Variants in DIAPH3 observed in about 807,000 individuals in gnomAD.
DIAPH3 encodes protein diaphanous homolog 3.
DIAPH3 carries 117 observed loss-of-function variants against 144.3 expected under a neutral mutation model. The ratio of observed to expected loss-of-function variants is 0.81; its 90% CI spans 0.70 to 0.95. The LOEUF (loss-of-function observed/expected upper bound fraction) is 0.95, where lower values mean the gene tolerates loss of function less well. Ranked by LOEUF, DIAPH3 falls within the 40% of genes least tolerant of loss-of-function variation. The pLI, the probability that DIAPH3 is intolerant of heterozygous loss-of-function variation, is 0.00. For missense variants in DIAPH3, 1,421 were observed against 1,412.7 expected, an observed-to-expected ratio of 1.01 and a Z score of -0.09; for synonymous variants, 519 against 488.9, an observed-to-expected ratio of 1.06 and a Z score of -0.81.
At chr13:59,769,491 A>G (rs1473656777) in intron 27 of DIAPH3, among the ~76,000 whole-genome samples, 2 of 151,906 alleles carry the variant, frequency 1.3e-5, no homozygotes, top group African/African-American at 4.8e-5. Flanking sequence ...TTGCTTATGA[A>G]TTATTAGCAA....
At chr13:59,889,563 C>T (rs777922744) in intron 20 of DIAPH3, among the ~76,000 whole-genome samples, 7 of 151,720 alleles carry the variant, frequency 4.6e-5, no homozygotes, top group Non-Finnish European at 8.8e-5. Context: ...TTGTAGTATC[C>T]TTATTTTGTC....
At chr13:59,904,980 C>A (rs989200032) in intron 20 of DIAPH3, among the ~76,000 whole-genome samples, 2 of 151,702 alleles carry the variant, frequency 1.3e-5, no homozygotes, top group African/African-American at 4.8e-5. Flanking sequence ...ATAAAAGTCA[C>A]CAACTAAAAA....
chr13:60,061,860 C>CG (rs936766612), intron 4 of DIAPH3, among the ~76,000 whole-genome samples: 6 of 151,968 alleles, frequency 3.9e-5, no homozygotes, highest in Non-Finnish European at 7.4e-5. Flanking sequence ...GCCTTAACTC[C>CG]GGGGGGTGAG....
At chr13:59,802,434 C>T (rs1320597161) in intron 25 of DIAPH3, among the ~76,000 whole-genome samples, 2 of 151,072 alleles carry the variant, frequency 1.3e-5, no homozygotes, top group South Asian at 2.1e-4. Context: ...AATTAATTTA[C>T]TTATCAATTA....
intron 3 of DIAPH3, among the ~76,000 whole-genome samples, chr13:60,098,020 T>G (rs2058158315): frequency 1.3e-5 from 2 of 152,132 alleles, no homozygotes; most frequent in South Asian, 4.1e-4. Flanking sequence ...ATGTTGCAAT[T>G]CCAGAAGGGT....
chr13:59,674,528 C>T (rs866502090), intron 27 of DIAPH3, among the ~76,000 whole-genome samples: 1 of 152,146 alleles, frequency 6.6e-6, no homozygotes, highest in Non-Finnish European at 1.5e-5. Context: ...ATAACCTCAA[C>T]GTGGCCATTT....
intron 3 of DIAPH3, among the ~76,000 whole-genome samples, chr13:60,110,960 T>C (rs1342054845): frequency 1.3e-5 from 2 of 152,310 alleles, no homozygotes; most frequent in East Asian, 3.9e-4. Flanking sequence ...CTTGTGGAAA[T>C]AAAATGTGGC....
intron 3 of DIAPH3, among the ~76,000 whole-genome samples, chr13:60,109,823 T>G (rs2058518038): frequency 6.6e-6 from 1 of 152,194 alleles, no homozygotes; most frequent in Non-Finnish European, 1.5e-5. Flanking sequence ...TCACTGAAAT[T>G]GACTTCAGAA....
At chr13:60,072,415 T>C (rs2670475) in intron 4 of DIAPH3, among the ~76,000 whole-genome samples, 84,281 of 152,018 alleles carry the variant, frequency 0.55, 23,903 homozygotes, top group Admixed American at 0.61. Flanking sequence ...CTTTCATACA[T>C]GCCTTTACAC....
intron 22 of DIAPH3, among the ~76,000 whole-genome samples, chr13:59,852,820 A>G (rs1353790453): frequency 4.6e-5 from 7 of 152,328 alleles, no homozygotes; most frequent in African/African-American, 1.7e-4. Flanking sequence ...CTGACAATAC[A>G]TATTAAAATT....
intron 27 of DIAPH3, among the ~76,000 whole-genome samples, chr13:59,697,491 A>AG (rs778777881): frequency 1.4e-4 from 11 of 78,036 alleles, no homozygotes; most frequent in Non-Finnish European, 2.0e-4. Context: ...AAAAAAAAAA[A>AG]AAGAAGAGGG....
chr13:60,108,007 G>A (rs1394860527), intron 3 of DIAPH3, among the ~76,000 whole-genome samples: 1 of 151,972 alleles, frequency 6.6e-6, no homozygotes, highest in Non-Finnish European at 1.5e-5. Flanking sequence ...TGTGTTATTG[G>A]GCTGACTAGC....
chr13:59,983,731 G>C (rs373427000), intron 13 of DIAPH3, 38 bp downstream of exon 13: 19 of 1,360,622 alleles, frequency 1.4e-5, no homozygotes, highest in Non-Finnish European at 1.6e-5. Context: ...TAGAATAAGA[G>C]ACAATAAGAT....
intron 3 of DIAPH3, among the ~76,000 whole-genome samples, chr13:60,097,550 G>C (rs2058141900): frequency 6.6e-6 from 1 of 152,154 alleles, no homozygotes; most frequent in Admixed American, 6.5e-5. Flanking sequence ...TTGCAGAACT[G>C]ACAGCCAAAT....
Position 59,839,436 on chromosome 13 carries a change from G to T in DIAPH3, c.2750C>A (p.Thr917Lys). 2 of 1,612,982 alleles carry T rather than the reference G, an allele frequency of 1.2e-6. No individual in the cohort carries two copies. The highest frequency in any genetic ancestry group is 1.7e-6 in the Non-Finnish European group (2 of 1,179,566). ...LDKASKVSVETLEKNLRQMGR... is the reference protein window; with the variant it reads ...LDKASKVSVEKLEKNLRQMGR... Reference sequence around the variant, plus strand: ...CATCTGCCTCAAATTCTTTTCCAGCGTTTCTACAGAGACTAAAAGAGAGTA... The same window carrying T: ...CATCTGCCTCAAATTCTTTTCCAGCTTTTCTACAGAGACTAAAAGAGAGTA... Residue 917 changes from threonine (T) to lysine (K), a missense_variant, in exon 23 of 28, where the codon ACG becomes AAG. Physicochemically the swap from Thr to Lys is moderately conservative, Grantham distance 78. Coordinates refer to ENST00000400324, the MANE Select transcript of DIAPH3 (RefSeq NM_001042517.2).
In DIAPH3 at chr13:59,974,357, A is replaced by G; in HGVS notation, c.1645T>C (p.Ser549Pro). Residue 549 changes from serine to proline, a missense_variant, in exon 15 of 28, where the codon TCT becomes CCT. Ser to Pro is a moderately conservative substitution (Grantham distance 74). Transcript: ENST00000400324. ...ELQAELQAFKSQFGALPADCN... is the reference protein window; with the variant it reads ...ELQAELQAFKPQFGALPADCN... ...CACTCAGAGTGGAATTTTACCTGAGACTTAAAAGCTTGTAGCTCTGCTTGA... is the reference window on the plus strand; with the variant it reads ...CACTCAGAGTGGAATTTTACCTGAGGCTTAAAAGCTTGTAGCTCTGCTTGA... The G allele has an allele frequency of 3.7e-6, 6 of 1,611,940 alleles. No homozygotes were observed. Among genetic ancestry groups the G allele is most frequent in the Non-Finnish European group, 5.1e-6 (6 of 1,179,196 alleles).
Position 60,132,978 on chromosome 13 carries a change from A to G in DIAPH3, c.192T>C (p.Ile64=). The G allele has an allele frequency of 6.2e-7, 1 of 1,607,046 alleles. No individual in the cohort carries two copies. The change falls in exon 2 of 28, where the codon ATT becomes ATC. Residue 64 remains isoleucine (I), a synonymous_variant. Transcript: ENST00000400324. ...TTACCATATCATCCGTCAGTGTCCT[A>G]ATATTTAAATGCTGCAAATTAAAAA... is the stretch of plus-strand genomic sequence containing the variant. ...GEKRPKFHLN[I]RTLTDDMLDK... is the part of the protein sequence containing the mutation.
At chr13:59,958,079 T>C (rs1236513070) in intron 17 of DIAPH3, among the ~76,000 whole-genome samples, 3 of 152,198 alleles carry the variant, frequency 2.0e-5, no homozygotes, top group Admixed American at 1.3e-4. Flanking sequence ...AAATTGCTTA[T>C]TTTGTGTGAA....
Position 60,015,965 on chromosome 13 carries a change from T to C in DIAPH3, c.719A>G (p.Lys240Arg), listed in dbSNP as rs1203574069. 4.3e-6 allele frequency: 7 copies of C among 1,613,306 alleles called. 1 individual carries two copies. The South Asian group carries it at 7.7e-5, about 18-fold the overall frequency. ...CTGTATGACTTTATGTTGATTTTTC[T>C]TTACAACTTTTTCTTGGCTGTATTG... is the stretch of plus-strand genomic sequence containing the variant. ...ISGKIQEKVVKKNQHKVIQCL... is the reference protein window; with the variant it reads ...ISGKIQEKVVRKNQHKVIQCL... The change falls in exon 7 of 28, where the codon AAG (lysine) becomes AGG (arginine). Residue 240 changes from lysine (K) to arginine (R), a missense_variant. Lys to Arg is a conservative substitution (Grantham distance 26). Coordinates refer to ENST00000400324, the MANE Select transcript of DIAPH3 (RefSeq NM_001042517.2).
Sources: allele counts gnomAD v4.1 joint callset (sites outside exome capture counted in the v4.1 genomes callset), GRCh38; gene constraint gnomAD v4.1.1; transcripts MANE v1.5; gene names NCBI Gene and HGNC (gene_info 2026-07-23, HGNC 2026-07-21).